Variants in ANO3 observed in about 807,000 individuals in gnomAD.
ANO3 encodes the protein anoctamin 3.
Under a neutral mutation model 144.8 loss-of-function variants are expected in ANO3, and 99 were observed. That is an observed-to-expected ratio of 0.68 (90% CI 0.58 to 0.81). The LOEUF is 0.81. Ranked by LOEUF, ANO3 falls within the 30% of genes least tolerant of loss-of-function variation. The pLI is 0.00. For missense variants in ANO3, 905 were observed against 1,202.2 expected (o/e 0.75, Z 3.66); for synonymous variants, 414 against 392.6 (o/e 1.05, Z -0.64).
At chr11:26,373,474 G>A (rs1352591762) in intron 1 of ANO3, among the ~76,000 whole-genome samples, 1 of 152,134 alleles carries the variant, frequency 6.6e-6, no homozygotes, top group Non-Finnish European at 1.5e-5. Context: ...CCAGCCATGT[G>A]AAACTGTGTG....
At chr11:26,524,834 T>C (rs2134166361) in intron 6 of ANO3, among the ~76,000 whole-genome samples, 1 of 152,312 alleles carries the variant, frequency 6.6e-6, no homozygotes, top group East Asian at 1.9e-4. Flanking sequence ...ACTTTTAGTG[T>C]ATACTCCAGC....
At chr11:26,470,614 T>C (rs1176996169) in intron 4 of ANO3, among the ~76,000 whole-genome samples, 3 of 151,866 alleles carry the variant, frequency 2.0e-5, no homozygotes, top group African/African-American at 7.2e-5. Flanking sequence ...TTAAGGATAA[T>C]AGGACATGAT....
intron 1 of ANO3, among the ~76,000 whole-genome samples, chr11:26,265,681 C>A (rs1037768731): frequency 1.3e-5 from 2 of 152,142 alleles, no homozygotes; most frequent in African/African-American, 4.8e-5. Flanking sequence ...TATAGCCCTT[C>A]GGCAGAGGTT....
chr11:26,375,075 C>T (rs1004944134), intron 1 of ANO3, among the ~76,000 whole-genome samples: 5 of 152,180 alleles, frequency 3.3e-5, no homozygotes, highest in Non-Finnish European at 7.3e-5. Context: ...TTATTACATA[C>T]TCATCATAAT....
chr11:26,655,212 C>A (rs1420385211), intron 24 of ANO3, among the ~76,000 whole-genome samples: 1 of 152,126 alleles, frequency 6.6e-6, no homozygotes, highest in Non-Finnish European at 1.5e-5. Flanking sequence ...GCATTTGGGG[C>A]TTCTGTACCT....
chr11:26,474,146 T>C (rs893282329), intron 4 of ANO3: 1 of 964,542 alleles, frequency 1.0e-6, no homozygotes, highest in South Asian at 4.8e-5. Flanking sequence ...TAAAAGTGCA[T>C]CAATCTAGGA....
At chr11:26,560,306 C>A (rs1409605372) in intron 14 of ANO3, 2 of 151,298 alleles carry the variant, frequency 1.3e-5, no homozygotes, top group African/African-American at 4.9e-5. Context: ...TTTTTTTTTA[C>A]CATGATTCTC....
At position 26,322,770 on chromosome 11, in the gene ANO3, TC is replaced by T. The variant is rs140547339; in HGVS notation, c.-3+13052del. Among the ~76,000 whole-genome samples, 365 of 152,252 alleles carry T rather than the reference TC, an allele frequency of 2.4e-3. 1 individual carries two copies. Among genetic ancestry groups the T allele is most frequent in the Non-Finnish European group, 3.9e-3 (265 of 68,000 alleles). ...GGTTTCTCTACTGTAAAGGTAGTGT[TC>T]TTCCCCTTTCCCATACTGTACTCAT... On this transcript the variant is annotated intron_variant, in intron 1 of 26. Transcript: ENST00000525139.
Position 26,192,718 on chromosome 11 carries a change from G to T in ANO3, c.154+3388G>T, listed in dbSNP as rs534017391. ...ACACATATAGTAAGTGTGTATGGGTGAGGGGGAGCAGGACAGCCGAGAGAG... is the reference window on the plus strand; with the variant it reads ...ACACATATAGTAAGTGTGTATGGGTTAGGGGGAGCAGGACAGCCGAGAGAG... On this transcript the variant is annotated intron_variant, in intron 1 of 27. Transcript: ENST00000672621. Among the ~76,000 whole-genome samples the T allele has an allele frequency of 3.9e-5, 6 of 152,246 alleles. No homozygotes were observed. In the East Asian group the frequency reaches 1.2e-3, roughly 29 times the overall value.
At chr11:26,333,082 CATTA>C (rs763231390) in intron 1 of ANO3, among the ~76,000 whole-genome samples, 30 of 152,118 alleles carry the variant, frequency 2.0e-4, no homozygotes, top group Non-Finnish European at 2.8e-4. Context: ...TATCCAGAAG[CATTA>C]ATTAACACAA....
chr11:26,495,984 T>A (rs930577188), intron 4 of ANO3, among the ~76,000 whole-genome samples: 1 of 152,224 alleles, frequency 6.6e-6, no homozygotes, highest in African/African-American at 2.4e-5. Flanking sequence ...CCAGAAATTT[T>A]GATTCTTTGA....
chr11:26,438,043 AAAT>A (rs138050406), intron 1 of ANO3, among the ~76,000 whole-genome samples: 26,949 of 152,120 alleles, frequency 0.18, 2,615 homozygotes, highest in South Asian at 0.3. Flanking sequence ...CTGAACAAAA[AAAT>A]AATAAACTGG....
chr11:26,586,499 G>T (rs1283271150), intron 14 of ANO3, among the ~76,000 whole-genome samples: 4 of 52,784 alleles, frequency 7.6e-5, no homozygotes, highest in East Asian at 6.5e-4. Context: ...TCCCTGGTGA[G>T]AATCTTTTTT....
intron 4 of ANO3, among the ~76,000 whole-genome samples, chr11:26,483,653 A>G (rs905561111): frequency 2.0e-5 from 3 of 152,162 alleles, no homozygotes; most frequent in African/African-American, 7.2e-5. Context: ...TCTGTTCTTT[A>G]TAAATTACCC....
At chr11:26,652,712 T>C (rs1853571187) in intron 24 of ANO3, among the ~76,000 whole-genome samples, 2 of 152,230 alleles carry the variant, frequency 1.3e-5, no homozygotes, top group African/African-American at 4.8e-5. Flanking sequence ...CTCCCATTTA[T>C]AACAGAAACT....
chr11:26,616,819 A>T (rs1260025519), intron 17 of ANO3, among the ~76,000 whole-genome samples: 1 of 152,080 alleles, frequency 6.6e-6, no homozygotes, highest in Non-Finnish European at 1.5e-5. Context: ...GTTGCCCAGG[A>T]TGGAGTGCAG....
intron 1 of ANO3, among the ~76,000 whole-genome samples, chr11:26,227,043 A>G (rs12273181): frequency 2.2e-3 from 336 of 152,264 alleles, no homozygotes; most frequent in African/African-American, 7.8e-3. Context: ...TCTTGTAATC[A>G]TATATTATTT....
intron 14 of ANO3, among the ~76,000 whole-genome samples, chr11:26,573,301 G>C (rs1850898231): frequency 6.6e-6 from 1 of 152,136 alleles, no homozygotes; most frequent in Non-Finnish European, 1.5e-5. Context: ...TTCAGAGTTT[G>C]ATTAGAAATT....
At chr11:26,498,665 A>T (rs1861066374) in intron 4 of ANO3, among the ~76,000 whole-genome samples, 1 of 151,516 alleles carries the variant, frequency 6.6e-6, no homozygotes, top group Non-Finnish European at 1.5e-5. Flanking sequence ...TGCTTGCCTT[A>T]TTTGGTTTAG....
Sources: allele counts gnomAD v4.1 joint callset (sites outside exome capture counted in the v4.1 genomes callset), GRCh38; gene constraint gnomAD v4.1.1; transcripts MANE v1.5; gene names NCBI Gene and HGNC (gene_info 2026-07-23, HGNC 2026-07-21).